Variants in SLCO2B1 observed in about 807,000 individuals in gnomAD.
SLCO2B1 encodes the protein solute carrier organic anion transporter family member 2B1, also known as OATP-RP2.
SLCO2B1 carries 41 observed loss-of-function variants against 67.3 expected under a neutral mutation model. The observed-to-expected ratio is 0.61, with a 90% CI of 0.47 to 0.79. The LOEUF (loss-of-function observed/expected upper bound fraction) is 0.79, where lower values mean the gene tolerates loss of function less well. Ranked by LOEUF, SLCO2B1 falls within the 30% of genes least tolerant of loss-of-function variation. SLCO2B1 has a pLI of 0.00. For synonymous variants in SLCO2B1, 379 were observed against 381.4 expected (o/e 0.99, Z 0.07); for missense variants, 837 against 920.1 (o/e 0.91, Z 1.17).
At chr11:75,153,800 G>A (rs1319168257) in intron 1 of SLCO2B1, among the ~76,000 whole-genome samples, 1 of 152,138 alleles carries the variant, frequency 6.6e-6, no homozygotes. Flanking sequence ...TAGGCACATG[G>A]ACTTTTTCTT....
intron 7 of SLCO2B1, among the ~76,000 whole-genome samples, chr11:75,175,930 C>T (rs2140319850): frequency 6.6e-6 from 1 of 152,226 alleles, no homozygotes; most frequent in East Asian, 1.9e-4. Flanking sequence ...TTGGGGGAGG[C>T]CATGCAGGGA....
chr11:75,204,782 G>C lies in SLCO2B1; in HGVS notation c.*202G>C, dbSNP rs1005321599. 1.4e-5 allele frequency: 6 copies of C among 423,346 alleles called. No homozygotes were observed. The highest frequency in any genetic ancestry group is 1.0e-4 in the African/African-American group (5 of 49,068). 26.2% of individuals were successfully genotyped at this position (423,346 alleles called of 1,614,324 possible). The stretch of plus-strand genomic sequence containing the variant: ...CCAAAGAGTTGTTTGGGCATTTGCT[G>C]TGTTGGCCATTTCTGGAGCAAGAGG... On this transcript the variant is annotated 3_prime_UTR_variant, in exon 14 of 14. Coordinates refer to ENST00000289575, the MANE Select transcript of SLCO2B1 (RefSeq NM_007256.5).
At chr11:75,156,661 T>TA (rs1326514333) in intron 1 of SLCO2B1, among the ~76,000 whole-genome samples, 1 of 152,100 alleles carries the variant, frequency 6.6e-6, no homozygotes, top group Non-Finnish European at 1.5e-5. Context: ...TGTGAGTCTG[T>TA]AAAGTGAAAG....
intron 7 of SLCO2B1, among the ~76,000 whole-genome samples, chr11:75,187,841 TC>T (rs1208565832): frequency 6.6e-6 from 1 of 152,190 alleles, no homozygotes; most frequent in African/African-American, 2.4e-5. Flanking sequence ...GTGGTGATTT[TC>T]CTAAAAATGT....
intron 7 of SLCO2B1, among the ~76,000 whole-genome samples, chr11:75,184,006 C>T (rs904178146): frequency 5.3e-5 from 8 of 152,196 alleles, no homozygotes; most frequent in Admixed American, 5.2e-4. Context: ...AGCCCATATA[C>T]CAGTGGCCTG....
chr11:75,205,806 G>T lies in SLCO2B1; in HGVS notation c.*1226G>T, dbSNP rs569463143. On this transcript the variant is annotated 3_prime_UTR_variant, in exon 14 of 14. Transcript: ENST00000289575. ...TTATCTGGCCTGGTTATTTCCTTGC[G>T]GGGAGGAGAGGGTTTGCTAATCTGC... is the stretch of plus-strand genomic sequence containing the variant. 1 of 152,098 alleles carries T rather than the reference G, an allele frequency of 6.6e-6. No individual in the cohort carries two copies. The highest frequency in any genetic ancestry group is 6.6e-5 in the Admixed American group (1 of 15,264). The allele number at this position is 152,098 out of a possible 1,614,324, so 9.4% of individuals were successfully genotyped here.
At chr11:75,188,653 G>A (rs2140332811) in intron 8 of SLCO2B1, among the ~76,000 whole-genome samples, 1 of 152,274 alleles carries the variant, frequency 6.6e-6, no homozygotes, top group South Asian at 2.1e-4. Context: ...TTGAACCTGG[G>A]AGGCAGAGGT....
rs143354197 is a variant in SLCO2B1 at position 75,198,078 on chromosome 11, A to G, written c.1599+1399A>G. On this transcript the variant is annotated intron_variant, in intron 10 of 13. Transcript: ENST00000289575. ...CAGCATCTAAACCTGAGGCTCCTCCAGGGAGAGACCTGGGCTGCACTGGCT... is the reference window on the plus strand; with the variant it reads ...CAGCATCTAAACCTGAGGCTCCTCCGGGGAGAGACCTGGGCTGCACTGGCT... 5.3e-5 allele frequency among the ~76,000 whole-genome samples: 8 copies of G among 152,296 alleles called. No homozygotes were observed. The East Asian group carries it at 1.5e-3, about 29-fold the overall frequency.
At chr11:75,197,503 G>A (rs1036773998) in intron 10 of SLCO2B1, among the ~76,000 whole-genome samples, 1 of 152,244 alleles carries the variant, frequency 6.6e-6, no homozygotes, top group Non-Finnish European at 1.5e-5. Flanking sequence ...AAGCACAAGG[G>A]TTCATGAAGG....
chr11:75,169,255 C>T lies in SLCO2B1; in HGVS notation c.531C>T (p.Cys177=), dbSNP rs775773273. ...CCTCGGCCCCCTCCAATGGCAACTG[C>T]TCAAGCTACACAGAAACCCAGCATC... ...APASAPSNGN[C]SSYTETQHLS... is the part of the protein sequence containing the mutation. Residue 177 remains cysteine (C), a synonymous_variant, in exon 5 of 14, where the codon TGC becomes TGT. Transcript: ENST00000289575. The T allele has an allele frequency of 6.2e-6, 10 of 1,614,106 alleles. No homozygotes were observed. The African/African-American group carries it at 9.3e-5, about 15-fold the overall frequency.
intron 1 of SLCO2B1, among the ~76,000 whole-genome samples, chr11:75,160,660 G>A (rs1407895516): frequency 2.6e-5 from 4 of 152,314 alleles, no homozygotes; most frequent in Middle Eastern, 6.8e-3. Context: ...TCCTCGTCAG[G>A]TGTCAGTTTT....
chr11:75,168,294 G>T (rs926136126), intron 4 of SLCO2B1, among the ~76,000 whole-genome samples: 5 of 152,190 alleles, frequency 3.3e-5, no homozygotes, highest in Non-Finnish European at 7.3e-5. Flanking sequence ...CAGCCTCCGT[G>T]GAAGGCTTCT....
rs11381669 is a variant in SLCO2B1 at position 75,185,501 on chromosome 11, C to CTTTTT, written c.973-2618_973-2614dup. ...TGCTGTCCCCATTGGGTATAAGTCT[C>CTTTTT]TTTTTTTTTTTTTTTTTTTTTGTGA... On this transcript the variant is annotated intron_variant, in intron 7 of 13. Transcript: ENST00000289575. Among the ~76,000 whole-genome samples the CTTTTT allele has an allele frequency of 1.8e-3, 195 of 106,158 alleles. 3 individuals are homozygous for CTTTTT. Among genetic ancestry groups the CTTTTT allele is most frequent in the African/African-American group, 7.1e-3 (183 of 25,760 alleles). 69.6% of individuals were successfully genotyped at this position (106,158 alleles called of 152,430 possible).
At chr11:75,185,173 G>A (rs1353217080) in intron 7 of SLCO2B1, among the ~76,000 whole-genome samples, 1 of 152,228 alleles carries the variant, frequency 6.6e-6, no homozygotes, top group Non-Finnish European at 1.5e-5. Context: ...CAAGGTGGTG[G>A]CTGACATGAA....
intron 10 of SLCO2B1, among the ~76,000 whole-genome samples, chr11:75,198,667 C>G (rs982334622): frequency 6.6e-6 from 1 of 152,172 alleles, no homozygotes; most frequent in Non-Finnish European, 1.5e-5. Context: ...CAGCTGAGAC[C>G]GGGCCAGCAC....
chr11:75,164,967 C>T (rs1565534639), intron 3 of SLCO2B1, among the ~76,000 whole-genome samples: 1 of 152,174 alleles, frequency 6.6e-6, no homozygotes, highest in Non-Finnish European at 1.5e-5. Context: ...CCTGCTGATA[C>T]TGATCCACTC....
intron 1 of SLCO2B1, 113 bp downstream of exon 1, chr11:75,151,510 G>A (rs1473179983): frequency 1.2e-5 from 13 of 1,106,960 alleles, no homozygotes; most frequent in South Asian, 4.0e-5. Flanking sequence ...GCTCACAGCT[G>A]TTGGCACAGA....
intron 11 of SLCO2B1, chr11:75,201,386 G>A (rs1211431978): frequency 6.6e-6 from 1 of 152,198 alleles, no homozygotes; most frequent in African/African-American, 2.4e-5. Flanking sequence ...GCAACCAGAA[G>A]TGTGGGGGTA....
intron 6 of SLCO2B1, 62 bp from the exon 7 acceptor site, chr11:75,172,317 G>GTCTCA (rs1215748570): frequency 6.8e-7 from 1 of 1,478,586 alleles, no homozygotes; most frequent in East Asian, 2.3e-5. Flanking sequence ...GTCCCAGGAT[G>GTCTCA]GCGGCTTAGA....
Sources: gnomAD v4.1 joint callset for allele counts (sites outside exome capture counted in the v4.1 genomes callset) on GRCh38, gnomAD v4.1.1 for gene constraint, MANE v1.5 for transcripts, NCBI Gene and HGNC (gene_info 2026-07-23, HGNC 2026-07-21) for gene names.